The following ABTB2 variants were observed in gnomAD, a reference collection of about 807,000 sequenced individuals.
ABTB2 encodes ankyrin repeat and BTB domain containing 2.
Under a neutral mutation model 104.1 loss-of-function variants are expected in ABTB2, and 56 were observed. The observed-to-expected ratio is 0.54, with a 90% CI of 0.43 to 0.67. The LOEUF (loss-of-function observed/expected upper bound fraction) is 0.67. ABTB2 is among the 30% of genes least tolerant of loss of function. The pLI, the probability that ABTB2 is intolerant of heterozygous loss-of-function variation, is 0.00. For missense variants in ABTB2, 1,279 were observed against 1,407.7 expected (o/e 0.91, Z 1.46); for synonymous variants, 606 against 608.2 (o/e 1.00, Z 0.05).
intron 1 of ABTB2, among the ~76,000 whole-genome samples, chr11:34,331,072 T>C (rs972361730): frequency 1.3e-5 from 2 of 152,102 alleles, no homozygotes; most frequent in Non-Finnish European, 2.9e-5. Context: ...GCACATCCCA[T>C]AAAACGAGGG....
chr11:34,286,143 CAA>C (rs1203328069), intron 1 of ABTB2, among the ~76,000 whole-genome samples: 3 of 140,664 alleles, frequency 2.1e-5, no homozygotes, highest in Admixed American at 7.2e-5. Context: ...GACCCTGTCT[CAA>C]AAAAAAAAAA....
rs113304139 is a variant in ABTB2, at chr11:34,217,000, C to T, written c.884-12310G>A. The stretch of plus-strand genomic sequence containing the variant: ...AATGACCTGATAACCTGGAAGTTAC[C>T]AACCTCATCCTAGAAATTTCTGCAC... On this transcript the variant is annotated intron_variant, in intron 1 of 16. Coordinates refer to ENST00000435224, the MANE Select transcript of ABTB2 (RefSeq NM_145804.3). Among the ~76,000 whole-genome samples, 91 of 152,298 alleles carry T rather than the reference C, an allele frequency of 6.0e-4. 1 individual carries two copies. Among genetic ancestry groups the T allele is most frequent in the Non-Finnish European group, 1.0e-3 (68 of 68,024 alleles).
chr11:34,245,889 A>C (rs1361861713), intron 1 of ABTB2, among the ~76,000 whole-genome samples: 1 of 152,220 alleles, frequency 6.6e-6, no homozygotes. Flanking sequence ...TCTAGACTAA[A>C]TGGTAAACTG....
At chr11:34,264,773 C>T (rs944855098) in intron 1 of ABTB2, among the ~76,000 whole-genome samples, 1 of 152,204 alleles carries the variant, frequency 6.6e-6, no homozygotes, top group Admixed American at 6.5e-5. Flanking sequence ...AGGGTGAATG[C>T]CACATTTCTG....
chr11:34,209,504 G>A (rs765064889), intron 1 of ABTB2, among the ~76,000 whole-genome samples: 8 of 123,200 alleles, frequency 6.5e-5, no homozygotes, highest in Admixed American at 9.1e-5. Context: ...CCTGATCCTC[G>A]CTTCTCTAAG....
At position 34,159,562 on chromosome 11, in the gene ABTB2, T is replaced by C. The variant is rs140742720; in HGVS notation, c.2607-176A>G. ...CATTTTACACCATCTTAGGAAGACA[T>C]CTGAGCTGAGCCCAATTCTGTCCCC... On this transcript the variant is annotated intron_variant, in intron 13 of 16. Coordinates refer to ENST00000435224, the MANE Select transcript of ABTB2 (RefSeq NM_145804.3). 8.7e-3 allele frequency among the ~76,000 whole-genome samples: 1,326 copies of C among 152,308 alleles called. 18 individuals are homozygous for C. The highest frequency in any genetic ancestry group is 0.03 in the African/African-American group (1,246 of 41,552).
chr11:34,283,054 G>A (rs1227841242), intron 1 of ABTB2, among the ~76,000 whole-genome samples: 3 of 148,218 alleles, frequency 2.0e-5, no homozygotes, highest in Non-Finnish European at 4.5e-5. Context: ...TACTACAGGC[G>A]CCCGCCACCA....
intron 1 of ABTB2, among the ~76,000 whole-genome samples, chr11:34,250,972 A>G (rs567718441): frequency 5.9e-5 from 9 of 152,356 alleles, no homozygotes; most frequent in African/African-American, 2.2e-4. Context: ...AGCAAGACTC[A>G]CATCCAGGTC....
At chr11:34,289,533 T>C (rs1854542592) in intron 1 of ABTB2, among the ~76,000 whole-genome samples, 1 of 152,176 alleles carries the variant, frequency 6.6e-6, no homozygotes, top group Admixed American at 6.5e-5. Context: ...AAAGCTATAC[T>C]ACTTGTAAGC....
At chr11:34,239,569 G>A (rs1189502733) in intron 1 of ABTB2, among the ~76,000 whole-genome samples, 1 of 151,974 alleles carries the variant, frequency 6.6e-6, no homozygotes, top group African/African-American at 2.4e-5. Flanking sequence ...GAGCTCAAGT[G>A]ATCTTCCCAT....
chr11:34,242,200 G>A (rs1046061499), intron 1 of ABTB2, among the ~76,000 whole-genome samples: 17 of 152,144 alleles, frequency 1.1e-4, no homozygotes, highest in African/African-American at 3.6e-4. Flanking sequence ...GCCTTCTGCC[G>A]CAGATCTGTG....
intron 3 of ABTB2, among the ~76,000 whole-genome samples, chr11:34,187,736 AC>A (rs917565295): frequency 1.3e-5 from 2 of 151,750 alleles, no homozygotes; most frequent in African/African-American, 4.8e-5. Context: ...TGATCCTCCC[AC>A]CTCAACCTCC....
intron 1 of ABTB2, among the ~76,000 whole-genome samples, chr11:34,214,947 T>C (rs1226117909): frequency 6.6e-6 from 1 of 152,138 alleles, no homozygotes; most frequent in Non-Finnish European, 1.5e-5. Flanking sequence ...GGAGAACCCA[T>C]TCTAAATTGC....
intron 1 of ABTB2, among the ~76,000 whole-genome samples, chr11:34,245,796 C>G (rs1221676014): frequency 1.3e-5 from 2 of 152,200 alleles, no homozygotes; most frequent in Non-Finnish European, 2.9e-5. Flanking sequence ...TGCTTCCACA[C>G]TGAGCACCAG....
At chr11:34,241,876 G>A (rs773540592) in intron 1 of ABTB2, among the ~76,000 whole-genome samples, 11 of 152,244 alleles carry the variant, frequency 7.2e-5, no homozygotes, top group Non-Finnish European at 1.6e-4. Flanking sequence ...CTAAGGCTGA[G>A]TTTAAGTCAG....
intron 1 of ABTB2, among the ~76,000 whole-genome samples, chr11:34,220,059 C>G (rs11032562): frequency 0.15 from 23,192 of 152,202 alleles, 1,888 homozygotes; most frequent in East Asian, 0.27. Context: ...TATGCAATAC[C>G]AGAGGGACTG....
At chr11:34,261,125 C>T (rs959836532) in intron 1 of ABTB2, among the ~76,000 whole-genome samples, 4 of 152,050 alleles carry the variant, frequency 2.6e-5, no homozygotes, top group Admixed American at 6.5e-5. Flanking sequence ...TCCATCTCCC[C>T]GCCTGCCCCC....
chr11:34,159,527 C>T, intron 13 of ABTB2, 141 bp from the exon 14 acceptor site: 1 of 649,400 alleles, frequency 1.5e-6, no homozygotes, highest in Admixed American at 2.5e-5. Context: ...AAATAATTTT[C>T]AGCAAGTGCC....
At chr11:34,168,078 G>T (rs149863476) in intron 5 of ABTB2, 86 bp from the exon 6 acceptor site, 155 of 1,363,386 alleles carry the variant, frequency 1.1e-4, no homozygotes, top group Admixed American at 6.2e-4. Flanking sequence ...AGAAACCACA[G>T]ATCGGGCACC....
Sources: allele counts gnomAD v4.1 joint callset (sites outside exome capture counted in the v4.1 genomes callset), GRCh38; gene constraint gnomAD v4.1.1; transcripts MANE v1.5; gene names NCBI Gene and HGNC (gene_info 2026-07-23, HGNC 2026-07-21).